The following PHC2 variants were observed in gnomAD, a reference collection of about 807,000 sequenced individuals.
The protein encoded by PHC2 is polyhomeotic homolog 2, also known as polyhomeotic-like protein 2.
PHC2 carries 29 observed loss-of-function variants against 87.4 expected under a neutral mutation model. That is an observed-to-expected ratio of 0.33 (90% CI 0.25 to 0.45). The LOEUF (loss-of-function observed/expected upper bound fraction) is 0.45, where lower values mean the gene tolerates loss of function less well. Ranked by LOEUF, PHC2 falls within the 20% of genes least tolerant of loss-of-function variation. The pLI is 1.00. For missense variants in PHC2, 857 were observed against 1,136.7 expected (o/e 0.75, Z 3.54); for synonymous variants, 438 against 461.7 (o/e 0.95, Z 0.66).
chr1:33,393,461 A>AG (rs1269013271), intron 1 of PHC2, among the ~76,000 whole-genome samples: 1 of 106,506 alleles, frequency 9.4e-6, no homozygotes, highest in Non-Finnish European at 1.8e-5. Context: ...CCTTTTCAAG[A>AG]GGTTTTTTTT....
intron 1 of PHC2, among the ~76,000 whole-genome samples, chr1:33,399,317 T>C (rs1410011411): frequency 6.7e-6 from 1 of 149,776 alleles, no homozygotes; most frequent in African/African-American, 2.4e-5. Context: ...GCTGGAAGTA[T>C]TATTACTTTG....
chr1:33,337,167 G>C (rs942421659), intron 9 of PHC2, among the ~76,000 whole-genome samples: 9 of 152,092 alleles, frequency 5.9e-5, no homozygotes, highest in African/African-American at 2.2e-4. Flanking sequence ...CTAATGAACT[G>C]CAGATTATAC....
intron 1 of PHC2, among the ~76,000 whole-genome samples, chr1:33,380,238 C>T (rs1168177067): frequency 2.0e-5 from 3 of 152,230 alleles, no homozygotes; most frequent in African/African-American, 4.8e-5. Context: ...ACTACACTCA[C>T]CTGTTGTGCA....
At position 33,349,610 on chromosome 1, in the gene PHC2, G is replaced by A. The variant is rs1393575422; in HGVS notation, c.1558+4791C>T. ...CCCGGCACTGACCTGTCCAGGGCCC[G>A]GCTGGGCCTGGCCGGGCGGGGCCTA... On this transcript the variant is annotated intron_variant, in intron 9 of 14. Coordinates refer to ENST00000683057, the MANE Select transcript of PHC2 (RefSeq NM_001385109.1). The surrounding 1 kb of genome is among the most constrained non-coding windows in gnomAD (Gnocchi z 4.2). 7.1e-6 allele frequency: 7 copies of A among 983,832 alleles called. No individual in the cohort carries two copies. Among genetic ancestry groups the A allele is most frequent in the Non-Finnish European group, 8.4e-6 (7 of 829,446 alleles). 60.9% of individuals were successfully genotyped at this position (983,832 alleles called of 1,614,324 possible).
Position 33,355,217 on chromosome 1 carries a change from TG to T in PHC2, c.1012del (p.Gln338SerfsTer12). 6.3e-7 allele frequency: 1 copy of T among 1,596,170 alleles called. No homozygotes were observed. Among genetic ancestry groups the T allele is most frequent in the Non-Finnish European group, 8.5e-7 (1 of 1,170,082 alleles). On this transcript the variant is annotated frameshift_variant, in exon 8 of 15. Coordinates refer to ENST00000683057, the MANE Select transcript of PHC2 (RefSeq NM_001385109.1). LOFTEE classifies it high-confidence loss of function. ...GGGCTGCAGGTGCTTTGAGGATGGC[TG>T]TGGGAGGAGCTGGTGTGGCTGCAGC... The part of the protein sequence containing the change: ...AQLQPHQLLP[Q>X]PSSKHLQPQF...
intron 1 of PHC2, among the ~76,000 whole-genome samples, chr1:33,376,306 A>G (rs1648177189): frequency 6.6e-6 from 1 of 152,148 alleles, no homozygotes. Context: ...AAGTGCTGGG[A>G]TTATAGGCAT....
Position 33,331,311 on chromosome 1 carries a change from C to T in PHC2, c.2006+37G>A, listed in dbSNP as rs1646492489. 1 of 1,115,930 alleles carries T rather than the reference C, an allele frequency of 9.0e-7. No homozygotes were observed. Among genetic ancestry groups the T allele is most frequent in the Non-Finnish European group, 1.4e-6 (1 of 735,616 alleles). 69.1% of individuals were successfully genotyped at this position (1,115,930 alleles called of 1,614,324 possible). A position where few individuals can be genotyped will look rare whatever the true frequency, so the allele number is the denominator to read the frequency against. ...ATGGCAGGAGGTGGGACATAAAGTGCAGTCCTGGGGAAATGGAGGGGGCTG... is the reference window on the plus strand; with the variant it reads ...ATGGCAGGAGGTGGGACATAAAGTGTAGTCCTGGGGAAATGGAGGGGGCTG... On this transcript the variant is annotated intron_variant, in intron 12 of 14. Coordinates refer to ENST00000683057, the MANE Select transcript of PHC2 (RefSeq NM_001385109.1). This position sits in a 1 kb window ranked among gnomAD's most constrained non-coding sequence, Gnocchi z 5.2.
rs138055422 is a variant in PHC2, at chr1:33,386,697, C to T, written c.-54-11104G>A. Reference sequence around the variant, plus strand: ...AATCTCTCCATACTAAATCTCCCCACAGAGCACAACACACAGCACACAGTG... The same window carrying T: ...AATCTCTCCATACTAAATCTCCCCATAGAGCACAACACACAGCACACAGTG... On this transcript the variant is annotated intron_variant, in intron 1 of 14. Coordinates refer to ENST00000683057, the MANE Select transcript of PHC2 (RefSeq NM_001385109.1). Among the ~76,000 whole-genome samples, 4 of 152,298 alleles carry T rather than the reference C, an allele frequency of 2.6e-5. No individual in the cohort carries two copies. In the East Asian group the frequency reaches 5.8e-4, roughly 22 times the overall value.
intron 12 of PHC2, 65 bp from the exon 13 acceptor site, chr1:33,330,277 G>A: frequency 6.4e-7 from 1 of 1,567,548 alleles, no homozygotes. Context: ...TAGGCAGAAT[G>A]AGCACAGCCA....
At chr1:33,403,954 A>G (rs1649648400) in intron 1 of PHC2, among the ~76,000 whole-genome samples, 1 of 151,812 alleles carries the variant, frequency 6.6e-6, no homozygotes, top group African/African-American at 2.4e-5. Context: ...CATCCATGAA[A>G]CCCCATTTTT....
At position 33,331,568 on chromosome 1, in the gene PHC2, TC is replaced by T; in HGVS notation, c.1892-107del. 1.5e-6 allele frequency: 1 copy of T among 678,324 alleles called. No individual in the cohort carries two copies. Among genetic ancestry groups the T allele is most frequent in the South Asian group, 1.8e-5 (1 of 56,800 alleles). 42.0% of individuals were successfully genotyped at this position (678,324 alleles called of 1,614,324 possible). ...ACTCCATCCTGCCTGGTCCTCCTGC[TC>T]CCACAGCTGTGACATACAGCAGCAT... On this transcript the variant is annotated intron_variant, in intron 11 of 14. Transcript: ENST00000683057. This position sits in a 1 kb window ranked among gnomAD's most constrained non-coding sequence, Gnocchi z 5.2.
rs1398441288 is a variant in PHC2, at chr1:33,370,505, G to T, written c.492C>A (p.Ile164=). Residue 164 remains isoleucine (I), a synonymous_variant, in exon 5 of 15, where the codon ATC becomes ATA. Transcript: ENST00000683057. ...TGCCCAAGAGCACAGCCTGCTGAGC[G>T]ATGCCTGAGGCTGCTGCAGAGTTCA... ...QSVNSAAASG[I]AQQAVLLGNT... 1.2e-6 allele frequency: 2 copies of T among 1,613,970 alleles called. No homozygotes were observed. The highest frequency in any genetic ancestry group is 3.3e-5 in the Admixed American group (2 of 60,008).
chr1:33,427,512 C>A (rs1650727644), intron 1 of PHC2, among the ~76,000 whole-genome samples: 3 of 152,104 alleles, frequency 2.0e-5, no homozygotes, highest in Admixed American at 2.0e-4. Context: ...CGCATGCTGT[C>A]TCCACTTCTT....
intron 1 of PHC2, among the ~76,000 whole-genome samples, chr1:33,395,998 A>G (rs568761135): frequency 3.9e-5 from 6 of 152,344 alleles, no homozygotes; most frequent in African/African-American, 1.2e-4. Flanking sequence ...GTCATTTAAC[A>G]TATGGCCTCA....
At chr1:33,422,581 A>T (rs1403593802) in intron 1 of PHC2, among the ~76,000 whole-genome samples, 9 of 152,312 alleles carry the variant, frequency 5.9e-5, no homozygotes, top group Middle Eastern at 3.4e-3. Flanking sequence ...AATGGGCCTG[A>T]CCTAGTACCA....
rs1259292909 is a variant in PHC2, at chr1:33,363,599, T to C, written c.976+3517A>G. On this transcript the variant is annotated intron_variant, in intron 7 of 14. Transcript: ENST00000683057. Reference sequence around the variant, plus strand: ...GAGTTCTCGCTCCTCAGCTGAGACCTGAGGCGGGCTGAGGATGCAGAACAA... The same window carrying C: ...GAGTTCTCGCTCCTCAGCTGAGACCCGAGGCGGGCTGAGGATGCAGAACAA... 3.9e-5 allele frequency: 8 copies of C among 202,976 alleles called. 1 individual carries two copies. The highest frequency in any genetic ancestry group is 5.2e-5 in the Non-Finnish European group (6 of 114,724). 12.6% of individuals were successfully genotyped at this position (202,976 alleles called of 1,614,324 possible). A position where few individuals can be genotyped will look rare whatever the true frequency, so the allele number is the denominator to read the frequency against.
intron 1 of PHC2, among the ~76,000 whole-genome samples, chr1:33,430,576 G>A (rs1650870605): frequency 6.6e-6 from 1 of 152,120 alleles, no homozygotes; most frequent in African/African-American, 2.4e-5. Flanking sequence ...CTCTCCGCAG[G>A]AGGGGGGTCG....
At chr1:33,375,709 T>C (rs1324720392) in intron 1 of PHC2, 116 bp from the exon 2 acceptor site, 7 of 569,884 alleles carry the variant, frequency 1.2e-5, no homozygotes, top group African/African-American at 3.8e-5. Flanking sequence ...AACCACAGGA[T>C]CAAAAATATT....
intron 1 of PHC2, among the ~76,000 whole-genome samples, chr1:33,414,528 T>C (rs1368534035): frequency 6.6e-6 from 1 of 152,180 alleles, no homozygotes; most frequent in Non-Finnish European, 1.5e-5. Context: ...AGAATTTAAA[T>C]AGACAGTAGG....
Sources: gnomAD v4.1 joint callset for allele counts (sites outside exome capture counted in the v4.1 genomes callset) on GRCh38, gnomAD v4.1.1 for gene constraint, Gnocchi (gnomAD v3.1) non-coding constraint, MANE v1.5 for transcripts, NCBI Gene and HGNC (gene_info 2026-07-23, HGNC 2026-07-21) for gene names.